HTR4: variants seen among roughly 807,000 people sequenced by gnomAD.
HTR4 encodes 5-hydroxytryptamine (serotonin) receptor 4, G protein-coupled.
Under a neutral mutation model 36.8 loss-of-function variants are expected in HTR4, and 16 were observed. That is an observed-to-expected ratio of 0.43 (90% CI 0.29 to 0.66). The LOEUF (loss-of-function observed/expected upper bound fraction) is 0.66. HTR4 is among the 30% of genes least tolerant of loss of function. The probability of loss-of-function intolerance (pLI) is 0.13; values close to 1 mark genes in which losing one functional copy is unlikely to be tolerated. For synonymous variants in HTR4, 189 were observed against 185.1 expected (o/e 1.02, Z -0.17); for missense variants, 438 against 490.9 (o/e 0.89, Z 1.02).
chr5:148,573,962 T>TA (rs1320362417), intron 2 of HTR4, among the ~76,000 whole-genome samples: 2 of 152,028 alleles, frequency 1.3e-5, no homozygotes, highest in Admixed American at 1.3e-4. Flanking sequence ...GTGTACCAGA[T>TA]ATTTGGAGAA....
chr5:148,490,656 G>A (rs1561575031), intron 6 of HTR4: 19 of 1,167,184 alleles, frequency 1.6e-5, no homozygotes, highest in Non-Finnish European at 1.9e-5. Context: ...ACTGATATTC[G>A]GTCAATCAAC....
At chr5:148,451,358 T>C in intron 5 of HTR4, 1 of 1,596,754 alleles carries the variant, frequency 6.3e-7, no homozygotes, top group Non-Finnish European at 8.5e-7. Context: ...TACTCTTGAC[T>C]TCCTTTCTTT....
intron 6 of HTR4, among the ~76,000 whole-genome samples, chr5:148,502,722 C>T (rs915072172): frequency 2.0e-5 from 3 of 152,138 alleles, no homozygotes; most frequent in South Asian, 2.1e-4. Flanking sequence ...TTAAACCCAT[C>T]GCAAAGAAGC....
At chr5:148,575,387 G>T (rs561050178) in intron 2 of HTR4, among the ~76,000 whole-genome samples, 16 of 152,034 alleles carry the variant, frequency 1.1e-4, no homozygotes, top group Admixed American at 3.3e-4. Context: ...AATTAAATGA[G>T]TAAAACATGA....
intron 5 of HTR4, among the ~76,000 whole-genome samples, chr5:148,457,675 A>G (rs1382900098): frequency 6.9e-6 from 1 of 145,388 alleles, no homozygotes; most frequent in African/African-American, 2.5e-5. Flanking sequence ...ATTTTAATAT[A>G]TCATTAAAAT....
rs773040493 is a variant in HTR4 at position 148,615,707 on chromosome 5, A to ATAAAT, written c.26+21281_26+21282insATTTA. Among the ~76,000 whole-genome samples the ATAAAT allele has an allele frequency of 6.4e-3, 751 of 117,294 alleles. 7 individuals are homozygous for ATAAAT. Among genetic ancestry groups the ATAAAT allele is most frequent in the African/African-American group, 0.018 (636 of 35,394 alleles). The allele number at this position is 117,294 out of a possible 152,430, so 76.9% of individuals were successfully genotyped here. On this transcript the variant is annotated intron_variant, in intron 2 of 6. Coordinates refer to ENST00000377888, the MANE Select transcript of HTR4 (RefSeq NM_000870.7). ...ATTAAAAAAATAAAGAAAGAAAGAA[A>ATAAAT]GAAATAAAATAAAATAAAATAAAAT... is the stretch of plus-strand genomic sequence containing the variant.
intron 2 of HTR4, among the ~76,000 whole-genome samples, chr5:148,556,277 G>A (rs1302240777): frequency 1.3e-5 from 2 of 152,174 alleles, no homozygotes; most frequent in Non-Finnish European, 2.9e-5. Flanking sequence ...GCCCGCCTCG[G>A]CCTCCCAACT....
intron 2 of HTR4, among the ~76,000 whole-genome samples, chr5:148,616,724 G>A (rs945394467): frequency 2.0e-5 from 3 of 151,996 alleles, no homozygotes; most frequent in African/African-American, 7.2e-5. Context: ...TAAATACCTT[G>A]GTGCATATCA....
chr5:148,523,993 G>A (rs531337728), intron 4 of HTR4, among the ~76,000 whole-genome samples: 115 of 142,734 alleles, frequency 8.1e-4, no homozygotes, highest in African/African-American at 3.3e-3. Flanking sequence ...CTCTAAGTCC[G>A]TGTTTTTTTT....
chr5:148,489,944 C>A (rs538290384), intron 6 of HTR4, among the ~76,000 whole-genome samples: 83 of 152,102 alleles, frequency 5.5e-4, no homozygotes, highest in African/African-American at 2.0e-3. Flanking sequence ...GTGATAAACA[C>A]GAAGCAGCTT....
At position 148,483,194 on chromosome 5, in the gene HTR4, C is replaced by T; in HGVS notation, c.*9G>A. ...GCATGGCTGTCTTCTGGGTCATTGT[C>T]CCAGGGGCCTAAGTGTCACTGGGCT... On this transcript the variant is annotated 3_prime_UTR_variant, in exon 7 of 7. Transcript: ENST00000377888. 6.2e-7 allele frequency: 1 copy of T among 1,613,962 alleles called. No individual in the cohort carries two copies.
At chr5:148,506,189 G>C (rs190752884) in intron 6 of HTR4, among the ~76,000 whole-genome samples, 12 of 152,204 alleles carry the variant, frequency 7.9e-5, no homozygotes, top group Admixed American at 7.9e-4. Context: ...TAGACTAATG[G>C]AATACAACAG....
intron 4 of HTR4, among the ~76,000 whole-genome samples, chr5:148,536,625 A>C (rs967950724): frequency 4.6e-5 from 7 of 152,086 alleles, no homozygotes; most frequent in Non-Finnish European, 7.4e-5. Context: ...CAAACTAACA[A>C]AGATCAAAAA....
At chr5:148,553,862 C>T (rs80140826) in intron 2 of HTR4, among the ~76,000 whole-genome samples, 5,756 of 152,238 alleles carry the variant, frequency 0.038, 161 homozygotes, top group African/African-American at 0.066. Context: ...TGTGATCCCC[C>T]AATTCAATCC....
At chr5:148,555,291 T>A (rs982442780) in intron 2 of HTR4, among the ~76,000 whole-genome samples, 1 of 152,182 alleles carries the variant, frequency 6.6e-6, no homozygotes. Flanking sequence ...GAAAACAGAT[T>A]CAGAGCGTCT....
At chr5:148,610,611 T>G (rs1366029767) in intron 2 of HTR4, among the ~76,000 whole-genome samples, 4 of 151,996 alleles carry the variant, frequency 2.6e-5, no homozygotes, top group African/African-American at 7.3e-5. Flanking sequence ...ACTCTAAAAA[T>G]CAGAGTGCCT....
intron 6 of HTR4, among the ~76,000 whole-genome samples, chr5:148,495,022 T>G (rs1324896811): frequency 1.3e-5 from 2 of 152,166 alleles, no homozygotes; most frequent in Non-Finnish European, 2.9e-5. Flanking sequence ...GGAAAGTGCT[T>G]GCAAAAGTTC....
At chr5:148,544,057 C>T (rs572303582) in intron 4 of HTR4, among the ~76,000 whole-genome samples, 225 of 151,756 alleles carry the variant, frequency 1.5e-3, no homozygotes, top group Middle Eastern at 3.4e-3. Context: ...GAGAAGGTTA[C>T]GTTCTAGCAA....
chr5:148,604,247 A>G (rs1752046688), intron 2 of HTR4, among the ~76,000 whole-genome samples: 1 of 152,188 alleles, frequency 6.6e-6, no homozygotes, highest in African/African-American at 2.4e-5. Flanking sequence ...ATATATTTGC[A>G]ACATGCGTAT....
Sources: gnomAD v4.1 joint callset for allele counts (sites outside exome capture counted in the v4.1 genomes callset) on GRCh38, gnomAD v4.1.1 for gene constraint, MANE v1.5 for transcripts, NCBI Gene and HGNC (gene_info 2026-07-23, HGNC 2026-07-21) for gene names.